HHLA1: variants seen among roughly 807,000 people sequenced by gnomAD.
The protein encoded by HHLA1 is HERV-H LTR-associating protein 1.
A neutral mutation model predicts 69.9 loss-of-function variants in HHLA1; 72 were observed. The ratio of observed to expected loss-of-function variants is 1.03; its 90% CI spans 0.85 to 1.25. HHLA1 has a LOEUF of 1.25. Among genes scored for constraint, HHLA1 ranks in the 50% most tolerant of loss-of-function variants. HHLA1 has a pLI of 0.00. For missense variants in HHLA1, 685 were observed against 642.2 expected, an observed-to-expected ratio of 1.07 and a Z score of -0.72; for synonymous variants, 252 against 233.2, an observed-to-expected ratio of 1.08 and a Z score of -0.73.
chr8:132,092,061 GAA>G (rs1823954863), intron 7 of HHLA1, among the ~76,000 whole-genome samples: 1 of 152,188 alleles, frequency 6.6e-6, no homozygotes, highest in Non-Finnish European at 1.5e-5. Context: ...GAATTCATGT[GAA>G]GGATGAGGCA....
chr8:132,105,847 T>C (rs1318470003), intron 1 of HHLA1, among the ~76,000 whole-genome samples: 2 of 152,222 alleles, frequency 1.3e-5, no homozygotes, highest in Non-Finnish European at 2.9e-5. Context: ...AAATACAGCA[T>C]CACTTACTCT....
intron 7 of HHLA1, among the ~76,000 whole-genome samples, chr8:132,090,755 C>CTT (rs398047424): frequency 4.1e-5 from 4 of 97,670 alleles, no homozygotes; most frequent in East Asian, 2.6e-4. Flanking sequence ...CTTTCTCTCT[C>CTT]TTTTTTTTTT....
At chr8:132,085,720 AG>A (rs1484016741) in intron 10 of HHLA1, 1 of 149,932 alleles carries the variant, frequency 6.7e-6, no homozygotes, top group South Asian at 2.1e-4. Context: ...TTACAGTCAA[AG>A]GGGGTTTGTT....
chr8:132,101,340 C>G, intron 3 of HHLA1: 1 of 1,513,078 alleles, frequency 6.6e-7, no homozygotes, highest in Non-Finnish European at 8.9e-7. Context: ...TTCATAACAT[C>G]CTTAGAAATC....
At chr8:132,080,561 T>C (rs1823734109) in intron 10 of HHLA1, 1 of 190,268 alleles carries the variant, frequency 5.3e-6, no homozygotes, top group African/African-American at 2.4e-5. Flanking sequence ...TGGTGGAATG[T>C]CATCAGTTAA....
At chr8:132,080,234 A>C (rs531105762) in intron 10 of HHLA1, 18 of 527,840 alleles carry the variant, frequency 3.4e-5, no homozygotes, top group Admixed American at 2.4e-4. Flanking sequence ...GATACAACTA[A>C]ATTTCATGTG....
chr8:132,078,685 G>T (rs1385034664), intron 11 of HHLA1, among the ~76,000 whole-genome samples: 1 of 152,040 alleles, frequency 6.6e-6, no homozygotes, highest in African/African-American at 2.4e-5. Context: ...CATAACTATT[G>T]GTTTACTTGC....
chr8:132,069,380 G>GT (rs1202375520), intron 15 of HHLA1, among the ~76,000 whole-genome samples: 2 of 151,716 alleles, frequency 1.3e-5, no homozygotes, highest in Non-Finnish European at 1.5e-5. Context: ...TTGTTTGTTT[G>GT]TTTTTTATCA....
At chr8:132,075,170 T>A (rs1026046486) in intron 14 of HHLA1, among the ~76,000 whole-genome samples, 3 of 152,042 alleles carry the variant, frequency 2.0e-5, no homozygotes, top group African/African-American at 7.2e-5. Context: ...CACTATTCAC[T>A]GCAGGCTGAG....
chr8:132,091,157 T>A (rs775548612), intron 7 of HHLA1, among the ~76,000 whole-genome samples: 1 of 152,362 alleles, frequency 6.6e-6, no homozygotes, highest in South Asian at 2.1e-4. Flanking sequence ...CTAATAAATA[T>A]TCATCGAGCA....
intron 10 of HHLA1, among the ~76,000 whole-genome samples, chr8:132,081,597 A>T (rs1315250857): frequency 6.6e-6 from 1 of 152,190 alleles, no homozygotes; most frequent in East Asian, 1.9e-4. Context: ...GGCTTAACTG[A>T]GGAATTATGT....
intron 7 of HHLA1, among the ~76,000 whole-genome samples, chr8:132,090,268 CT>C (rs1350839278): frequency 2.0e-5 from 3 of 152,182 alleles, no homozygotes; most frequent in African/African-American, 7.2e-5. Context: ...GCACTATTGA[CT>C]GTGAAAATTC....
At chr8:132,087,555 G>A (rs953458315) in intron 10 of HHLA1, 98 bp downstream of exon 10, 18 of 728,352 alleles carry the variant, frequency 2.5e-5, no homozygotes, top group Non-Finnish European at 3.3e-5. Context: ...ACAGTATAGC[G>A]AAACACAACA....
At chr8:132,095,878 C>A in intron 5 of HHLA1, 92 bp from the exon 6 acceptor site, 18 of 630,620 alleles carry the variant, frequency 2.9e-5, no homozygotes, top group South Asian at 9.5e-5. Flanking sequence ...ATTAACAATG[C>A]CAATAAAGAA....
intron 12 of HHLA1, 111 bp from the exon 13 acceptor site, chr8:132,076,654 G>T: frequency 1.7e-6 from 1 of 580,952 alleles, no homozygotes. Flanking sequence ...GGTTAAGCCA[G>T]GTACCAGGCA....
intron 7 of HHLA1, among the ~76,000 whole-genome samples, chr8:132,095,140 ACTTT>A (rs1824002268): frequency 6.6e-6 from 1 of 152,180 alleles, no homozygotes; most frequent in African/African-American, 2.4e-5. Context: ...TTTTTGTGTA[ACTTT>A]CTTTTTCTAA....
chr8:132,080,168 C>T lies in HHLA1; in HGVS notation c.677-202G>A, dbSNP rs1171494414. On this transcript the variant is annotated intron_variant, in intron 10 of 16. Coordinates refer to ENST00000414222, the MANE Select transcript of HHLA1 (RefSeq NM_001145095.3). ...TTCCACCTCCAGCCCTCAGCCTCTC[C>T]AGGACTCTGGTACATGTCTTTGGAA... 4.1e-6 allele frequency: 3 copies of T among 725,860 alleles called. No homozygotes were observed. The Admixed American group carries it at 6.1e-5, about 15-fold the overall frequency. 45.0% of individuals were successfully genotyped at this position (725,860 alleles called of 1,614,324 possible).
intron 11 of HHLA1, among the ~76,000 whole-genome samples, chr8:132,079,259 C>T (rs1362807726): frequency 2.0e-5 from 3 of 152,216 alleles, no homozygotes; most frequent in Non-Finnish European, 4.4e-5. Flanking sequence ...ATGAAACCAG[C>T]TACAGACTGA....
At chr8:132,072,960 T>C (rs1586724621) in intron 14 of HHLA1, among the ~76,000 whole-genome samples, 1 of 152,204 alleles carries the variant, frequency 6.6e-6, no homozygotes, top group East Asian at 1.9e-4. Flanking sequence ...AGAATTCCTT[T>C]GACTGACTAC....
Sources: gnomAD v4.1 joint callset for allele counts (sites outside exome capture counted in the v4.1 genomes callset) on GRCh38, gnomAD v4.1.1 for gene constraint, MANE v1.5 for transcripts, NCBI Gene and HGNC (gene_info 2026-07-23, HGNC 2026-07-21) for gene names.